SEMA3A: variants seen among roughly 807,000 people sequenced by gnomAD.
The protein encoded by SEMA3A is semaphorin-3A.
SEMA3A carries 29 observed loss-of-function variants against 97.9 expected under a neutral mutation model. That is an observed-to-expected ratio of 0.30 (90% CI 0.22 to 0.40). The LOEUF (loss-of-function observed/expected upper bound fraction) is 0.40, where lower values mean the gene tolerates loss of function less well. SEMA3A is among the 10% of genes least tolerant of loss of function. The pLI, the probability that SEMA3A is intolerant of heterozygous loss-of-function variation, is 1.00. For synonymous variants in SEMA3A, 321 were observed against 323.7 expected, an observed-to-expected ratio of 0.99 and a Z score of 0.09; for missense variants, 763 against 951.3, an observed-to-expected ratio of 0.80 and a Z score of 2.60.
chr7:84,023,156 C>T (rs913614468), intron 6 of SEMA3A, among the ~76,000 whole-genome samples: 3 of 152,148 alleles, frequency 2.0e-5, no homozygotes, highest in African/African-American at 7.2e-5. Context: ...CCTTCAGGTG[C>T]AATCTTACAC....
At chr7:84,053,857 T>C (rs1374867769) in intron 5 of SEMA3A, among the ~76,000 whole-genome samples, 1 of 112,072 alleles carries the variant, frequency 8.9e-6, no homozygotes, top group Admixed American at 1.0e-4. Flanking sequence ...GTACCGGTTG[T>C]TCCTTTCCAT....
At chr7:84,115,734 G>C (rs1461015866) in intron 3 of SEMA3A, among the ~76,000 whole-genome samples, 6 of 151,934 alleles carry the variant, frequency 3.9e-5, no homozygotes, top group Non-Finnish European at 7.4e-5. Context: ...AAAATATTCT[G>C]GGAAATCTAC....
chr7:84,296,349 A>G (rs1467898764), intron 3 of SEMA3A, among the ~76,000 whole-genome samples: 1 of 152,174 alleles, frequency 6.6e-6, no homozygotes, highest in Non-Finnish European at 1.5e-5. Context: ...TTGTAATCAT[A>G]AATTTGAGCA....
rs1466865231 is a variant in SEMA3A, at chr7:84,023,991, A to G, written c.668-9640T>C. On this transcript the variant is annotated intron_variant, in intron 6 of 16. Transcript: ENST00000265362. ...CGCGCCACTGCACTCTAGCCTGGGC[A>G]ACGGAGCGAGACTCCGTCTCAAAAA... Among the ~76,000 whole-genome samples, 6 of 148,792 alleles carry G rather than the reference A, an allele frequency of 4.0e-5. No individual in the cohort carries two copies. The East Asian group carries it at 1.2e-3, about 30-fold the overall frequency.
At chr7:84,465,366 T>A (rs1359291428) in intron 1 of SEMA3A, among the ~76,000 whole-genome samples, 1 of 152,172 alleles carries the variant, frequency 6.6e-6, no homozygotes, top group African/African-American at 2.4e-5. Flanking sequence ...CTCATTTGAA[T>A]GAGGCTAAAG....
intron 1 of SEMA3A, among the ~76,000 whole-genome samples, chr7:84,454,319 C>A (rs1357930641): frequency 2.6e-5 from 4 of 152,092 alleles, no homozygotes; most frequent in Non-Finnish European, 4.4e-5. Context: ...AACAGTAAGA[C>A]ATACATCAGA....
intron 5 of SEMA3A, among the ~76,000 whole-genome samples, chr7:84,059,596 A>C (rs979104573): frequency 1.3e-5 from 2 of 151,920 alleles, no homozygotes; most frequent in African/African-American, 4.8e-5. Flanking sequence ...TTTAGATTTG[A>C]AAAGTTTCAT....
chr7:83,989,310 T>C (rs1363212962), intron 12 of SEMA3A, among the ~76,000 whole-genome samples: 2 of 152,166 alleles, frequency 1.3e-5, no homozygotes, highest in African/African-American at 4.8e-5. Flanking sequence ...ATCTATAAGG[T>C]AGATAAAAAT....
chr7:84,487,209 C>A (rs1484135700), intron 1 of SEMA3A, among the ~76,000 whole-genome samples: 1 of 152,050 alleles, frequency 6.6e-6, no homozygotes, highest in African/African-American at 2.4e-5. Context: ...TAGATTTTGG[C>A]TGCCTGCAAA....
intron 2 of SEMA3A, among the ~76,000 whole-genome samples, chr7:84,359,123 C>A (rs1019824875): frequency 1.3e-5 from 2 of 152,038 alleles, no homozygotes; most frequent in Non-Finnish European, 2.9e-5. Context: ...AATTGAATAC[C>A]CTTTATTTCT....
At chr7:84,073,462 T>C (rs753203903) in intron 4 of SEMA3A, among the ~76,000 whole-genome samples, 29 of 152,142 alleles carry the variant, frequency 1.9e-4, no homozygotes, top group Non-Finnish European at 4.0e-4. Flanking sequence ...GAGGAATACA[T>C]ACATATATTA....
intron 1 of SEMA3A, among the ~76,000 whole-genome samples, chr7:84,433,016 G>T (rs2116322900): frequency 6.6e-6 from 1 of 151,942 alleles, no homozygotes; most frequent in Admixed American, 6.6e-5. Context: ...TCCTACCACA[G>T]TGTATAATGG....
At chr7:84,247,201 T>C (rs941245426) in intron 3 of SEMA3A, among the ~76,000 whole-genome samples, 2 of 152,186 alleles carry the variant, frequency 1.3e-5, no homozygotes, top group Non-Finnish European at 2.9e-5. Flanking sequence ...ATGGCAGTTA[T>C]GTAGGTGAAT....
At chr7:84,356,035 T>C (rs969629640) in intron 2 of SEMA3A, among the ~76,000 whole-genome samples, 23 of 152,062 alleles carry the variant, frequency 1.5e-4, no homozygotes, top group Admixed American at 3.9e-4. Context: ...ATTATACTAA[T>C]CTTTGCTACA....
intron 1 of SEMA3A, among the ~76,000 whole-genome samples, chr7:84,147,910 T>C (rs904907503): frequency 1.3e-5 from 2 of 152,060 alleles, no homozygotes; most frequent in Non-Finnish European, 2.9e-5. Flanking sequence ...CTTTTTTCCT[T>C]CCTTCCTTTT....
chr7:84,037,209 A>T (rs537449187), intron 6 of SEMA3A, among the ~76,000 whole-genome samples: 1 of 151,920 alleles, frequency 6.6e-6, no homozygotes, highest in Admixed American at 6.6e-5. Flanking sequence ...ACCCTACAGA[A>T]TATGTAATAA....
chr7:84,101,012 G>T (rs1794944694), intron 4 of SEMA3A, among the ~76,000 whole-genome samples: 2 of 152,236 alleles, frequency 1.3e-5, no homozygotes, highest in East Asian at 1.9e-4. Context: ...TCCTGTAGGA[G>T]AATCATGGTG....
intron 2 of SEMA3A, among the ~76,000 whole-genome samples, chr7:84,354,229 CTGCTTGA>C (rs1802502816): frequency 6.6e-6 from 1 of 150,410 alleles, no homozygotes; most frequent in South Asian, 2.1e-4. Flanking sequence ...TGCTTATTAT[CTGCTTGA>C]TCTACACAGT....
At chr7:84,257,654 A>AT (rs1218700465) in intron 3 of SEMA3A, among the ~76,000 whole-genome samples, 1 of 152,102 alleles carries the variant, frequency 6.6e-6, no homozygotes, top group African/African-American at 2.4e-5. Flanking sequence ...GCCTGCTGTG[A>AT]TTTTCTCTCA....
Sources: gnomAD v4.1 joint callset for allele counts (sites outside exome capture counted in the v4.1 genomes callset) on GRCh38, gnomAD v4.1.1 for gene constraint, MANE v1.5 for transcripts, NCBI Gene and HGNC (gene_info 2026-07-23, HGNC 2026-07-21) for gene names.